Variants in STUM observed in about 807,000 individuals in gnomAD.
STUM encodes stum, mechanosensory transduction mediator homolog, also known as protein stum homolog.
In STUM, 8 loss-of-function variants were observed where a neutral mutation model predicts 15.3. That is an observed-to-expected ratio of 0.52 (90% CI 0.31 to 0.94). The LOEUF is 0.94. Ranked by LOEUF, STUM falls within the 40% of genes least tolerant of loss-of-function variation. STUM has a pLI of 0.05. For missense variants in STUM, 142 were observed against 204.9 expected (o/e 0.69, Z 1.87); for synonymous variants, 78 against 88.7 (o/e 0.88, Z 0.68).
intron 1 of STUM, among the ~76,000 whole-genome samples, chr1:226,558,377 G>T (rs1234716771): frequency 6.6e-6 from 1 of 152,096 alleles, no homozygotes; most frequent in Non-Finnish European, 1.5e-5. Context: ...TGGCAACTGG[G>T]GGTGGACAGG....
Position 226,549,978 on chromosome 1 carries a change from G to C in STUM, c.202+872G>C, listed in dbSNP as rs891544881. The stretch of plus-strand genomic sequence containing the variant: ...CTCCCTCCCTTAACTCCACCCCCAG[G>C]TCTCTGCCTGCACGCCCCTCCCCTC... On this transcript the variant is annotated intron_variant, in intron 1 of 3. Transcript: ENST00000366788. The surrounding 1 kb of genome is among the most constrained non-coding windows in gnomAD (Gnocchi z 6.8). 6.6e-6 allele frequency among the ~76,000 whole-genome samples: 1 copy of C among 151,964 alleles called. No individual in the cohort carries two copies. Among genetic ancestry groups the C allele is most frequent in the African/African-American group, 2.4e-5 (1 of 41,382 alleles).
chr1:226,609,125 G>GT lies in STUM; in HGVS notation c.*7092dup, dbSNP rs1668410982. The GT allele has an allele frequency of 6.6e-6, 1 of 152,022 alleles. No homozygotes were observed. Among genetic ancestry groups the GT allele is most frequent in the Non-Finnish European group, 1.5e-5 (1 of 67,978 alleles). 9.4% of individuals were successfully genotyped at this position (152,022 alleles called of 1,614,324 possible). A position where few individuals can be genotyped will look rare whatever the true frequency, so the allele number is the denominator to read the frequency against. Reference sequence around the variant, plus strand: ...CATCTCTTTGGCATTCCAAGTTTGTGTTTTTTTAAATCCTTGGAAATACGG... The same window carrying GT: ...CATCTCTTTGGCATTCCAAGTTTGTGTTTTTTTTAAATCCTTGGAAATACGG... On this transcript the variant is annotated 3_prime_UTR_variant, in exon 4 of 4. Coordinates refer to ENST00000366788, the MANE Select transcript of STUM (RefSeq NM_001003665.4).
intron 1 of STUM, among the ~76,000 whole-genome samples, chr1:226,568,660 G>A (rs762745085): frequency 6.6e-6 from 1 of 152,272 alleles, no homozygotes; most frequent in Non-Finnish European, 1.5e-5. Flanking sequence ...CTGGCTGCCT[G>A]CTGCCCCCTC....
At chr1:226,580,196 G>T (rs1274482078) in intron 1 of STUM, among the ~76,000 whole-genome samples, 4 of 152,210 alleles carry the variant, frequency 2.6e-5, no homozygotes, top group Admixed American at 1.3e-4. Context: ...CCTGGGTTCT[G>T]GCTGGTGCAG....
chr1:226,590,373 CT>C (rs1480472112), intron 1 of STUM, among the ~76,000 whole-genome samples: 3 of 152,162 alleles, frequency 2.0e-5, no homozygotes, highest in Non-Finnish European at 4.4e-5. Context: ...CACATGGCCC[CT>C]CTCACTGAAC....
intron 1 of STUM, among the ~76,000 whole-genome samples, chr1:226,569,378 AG>A (rs1233830007): frequency 6.6e-6 from 1 of 152,206 alleles, no homozygotes; most frequent in Admixed American, 6.5e-5. Flanking sequence ...GTGACCCAGC[AG>A]GGCCACTAGG....
At chr1:226,584,273 C>T (rs186335211) in intron 1 of STUM, among the ~76,000 whole-genome samples, 97 of 152,330 alleles carry the variant, frequency 6.4e-4, no homozygotes, top group African/African-American at 2.2e-3. Flanking sequence ...AGTTTCTCAC[C>T]TGAGCTAGTT....
At chr1:226,576,860 T>C (rs1414281908) in intron 1 of STUM, among the ~76,000 whole-genome samples, 2 of 152,222 alleles carry the variant, frequency 1.3e-5, no homozygotes. Context: ...GAGCTATTCA[T>C]TTAATAAACC....
rs147291561 is a variant in STUM at position 226,553,411 on chromosome 1, G to A, written c.202+4305G>A. 1.4e-3 allele frequency among the ~76,000 whole-genome samples: 220 copies of A among 152,266 alleles called. 1 individual carries two copies. Among genetic ancestry groups the A allele is most frequent in the Non-Finnish European group, 2.7e-3 (182 of 68,032 alleles). On this transcript the variant is annotated intron_variant, in intron 1 of 3. Transcript: ENST00000366788. ...AGTAAAGACAAAGAGCCATGCAAAA[G>A]CATTAAGATCCAAAATTGAAGCAGC...
Position 226,607,962 on chromosome 1 carries a change from C to A in STUM, c.*5922C>A, listed in dbSNP as rs747835652. 2.6e-5 allele frequency: 4 copies of A among 152,384 alleles called. No homozygotes were observed. Among genetic ancestry groups the A allele is most frequent in the Non-Finnish European group, 5.9e-5 (4 of 68,164 alleles). The allele number at this position is 152,384 out of a possible 1,614,324, so 9.4% of individuals were successfully genotyped here. A position where few individuals can be genotyped will look rare whatever the true frequency, so the allele number is the denominator to read the frequency against. ...CTTATCTCCAAAGGAGCCCACACCCCCTCTTCCAGGATGGGCACTGGCTGG... is the reference window on the plus strand; with the variant it reads ...CTTATCTCCAAAGGAGCCCACACCCACTCTTCCAGGATGGGCACTGGCTGG... On this transcript the variant is annotated 3_prime_UTR_variant, in exon 4 of 4. Transcript: ENST00000366788.
intron 1 of STUM, among the ~76,000 whole-genome samples, chr1:226,596,476 A>G (rs1668181487): frequency 6.6e-6 from 1 of 152,196 alleles, no homozygotes; most frequent in African/African-American, 2.4e-5. Context: ...TTGTCCTTGC[A>G]AGTGGCTTCC....
In STUM at chr1:226,600,752, C is replaced by T; in HGVS notation, c.391+78C>T. On this transcript the variant is annotated intron_variant, in intron 3 of 3. Transcript: ENST00000366788. The surrounding 1 kb of genome is among the most constrained non-coding windows in gnomAD (Gnocchi z 5.2). ...CTCCCCCGAGACCCCCACTCCTGCA[C>T]ACAAACACCCCACCCACTCTCCCAG... The T allele has an allele frequency of 2.0e-6, 3 of 1,476,786 alleles. No individual in the cohort carries two copies. The highest frequency in any genetic ancestry group is 2.8e-6 in the Non-Finnish European group (3 of 1,064,162). 91.5% of individuals were successfully genotyped at this position (1,476,786 alleles called of 1,614,324 possible).
At chr1:226,576,678 G>T (rs966672834) in intron 1 of STUM, among the ~76,000 whole-genome samples, 1 of 152,076 alleles carries the variant, frequency 6.6e-6, no homozygotes, top group East Asian at 1.9e-4. Context: ...CCATCTGCAG[G>T]ACATTTTCAT....
chr1:226,587,580 C>T (rs1254605005), intron 1 of STUM, among the ~76,000 whole-genome samples: 2 of 152,208 alleles, frequency 1.3e-5, no homozygotes, highest in South Asian at 4.2e-4. Context: ...GCCGGAGAAC[C>T]CTTAGCATTT....
chr1:226,563,418 C>T (rs1422149763), intron 1 of STUM, among the ~76,000 whole-genome samples: 1 of 152,224 alleles, frequency 6.6e-6, no homozygotes, highest in African/African-American at 2.4e-5. Flanking sequence ...CCTAAGGGCA[C>T]ACAAAAGTTT....
Position 226,604,533 on chromosome 1 carries a change from C to T in STUM, c.*2493C>T, listed in dbSNP as rs1413205361. 1 of 152,160 alleles carries T rather than the reference C, an allele frequency of 6.6e-6. No homozygotes were observed. The highest frequency in any genetic ancestry group is 1.5e-5 in the Non-Finnish European group (1 of 68,038). The allele number at this position is 152,160 out of a possible 1,614,324, so 9.4% of individuals were successfully genotyped here. On this transcript the variant is annotated 3_prime_UTR_variant, in exon 4 of 4. Coordinates refer to ENST00000366788, the MANE Select transcript of STUM (RefSeq NM_001003665.4). The surrounding 1 kb of genome is among the most constrained non-coding windows in gnomAD (Gnocchi z 4.7). ...GGGCGGGACCGGTTCAAAATAGCGC[C>T]CCCGCCCCTCTAAATTAGACCGTGG...
intron 1 of STUM, among the ~76,000 whole-genome samples, chr1:226,585,722 C>T (rs370446013): frequency 2.2e-4 from 34 of 152,144 alleles, no homozygotes; most frequent in African/African-American, 7.0e-4. Context: ...TCTTGAGGGC[C>T]AGGACACTGA....
chr1:226,597,054 C>T (rs762819649), intron 2 of STUM, 73 bp downstream of exon 2: 116 of 1,429,720 alleles, frequency 8.1e-5, no homozygotes, highest in Non-Finnish European at 1.0e-4. Context: ...GGGAGACCTT[C>T]ATGTCTGGCC....
At chr1:226,592,174 A>G (rs1037431958) in intron 1 of STUM, among the ~76,000 whole-genome samples, 1 of 152,128 alleles carries the variant, frequency 6.6e-6, no homozygotes, top group Non-Finnish European at 1.5e-5. Context: ...CAGCCTCCTG[A>G]GTAGCTGGGA....
Sources: allele counts gnomAD v4.1 joint callset (sites outside exome capture counted in the v4.1 genomes callset), GRCh38; gene constraint gnomAD v4.1.1; non-coding constraint Gnocchi (gnomAD v3.1); transcripts MANE v1.5; gene names NCBI Gene and HGNC (gene_info 2026-07-23, HGNC 2026-07-21).